PDE3B: variants seen among roughly 807,000 people sequenced by gnomAD.
PDE3B encodes the protein phosphodiesterase 3B, also known as cGMP-inhibited 3',5'-cyclic phosphodiesterase 3B.
Under a neutral mutation model 116.8 loss-of-function variants are expected in PDE3B, and 66 were observed. The ratio of observed to expected loss-of-function variants is 0.56; its 90% CI spans 0.46 to 0.69. PDE3B has a LOEUF of 0.69. Among genes scored for constraint, PDE3B ranks in the 30% least tolerant of loss-of-function variants. PDE3B has a pLI of 0.00. For synonymous variants in PDE3B, 595 were observed against 533.6 expected, an observed-to-expected ratio of 1.12 and a Z score of -1.59; for missense variants, 1,384 against 1,368.1, an observed-to-expected ratio of 1.01 and a Z score of -0.18.
At chr11:14,666,761 A>G (rs1221822299) in intron 1 of PDE3B, among the ~76,000 whole-genome samples, 1 of 152,122 alleles carries the variant, frequency 6.6e-6, no homozygotes, top group Admixed American at 6.5e-5. Context: ...TTAGAATGAC[A>G]ATCATTAAAA....
intron 11 of PDE3B, among the ~76,000 whole-genome samples, chr11:14,842,220 T>A (rs1847488307): frequency 6.6e-6 from 1 of 152,184 alleles, no homozygotes; most frequent in South Asian, 2.1e-4. Context: ...ATTTTTAAAA[T>A]CACAGTTTTC....
chr11:14,885,837 T>C, the PDE3B span: 5 of 1,613,526 alleles, frequency 3.1e-6, no homozygotes, highest in Non-Finnish European at 4.2e-6. Context: ...AAATTTCGCT[T>C]TGATGAACAA....
chr11:14,829,037 T>C (rs1448608187), intron 7 of PDE3B, among the ~76,000 whole-genome samples: 1 of 152,084 alleles, frequency 6.6e-6, no homozygotes, highest in African/African-American at 2.4e-5. Context: ...GAGACCATTA[T>C]CCTTAGCCAC....
chr11:14,775,195 T>C (rs1680114003), intron 2 of PDE3B: 1 of 152,210 alleles, frequency 6.6e-6, no homozygotes, highest in Non-Finnish European at 1.5e-5. Flanking sequence ...GAATCCAGTG[T>C]TCTCAAAAAT....
At chr11:14,791,839 A>C (rs891661606) in intron 4 of PDE3B, among the ~76,000 whole-genome samples, 1 of 152,174 alleles carries the variant, frequency 6.6e-6, no homozygotes, top group Non-Finnish European at 1.5e-5. Context: ...AAAATGGTGT[A>C]GTATTTACAT....
chr11:14,757,021 C>G (rs1048400067), intron 1 of PDE3B, among the ~76,000 whole-genome samples: 2 of 143,700 alleles, frequency 1.4e-5, no homozygotes, highest in African/African-American at 5.2e-5. Context: ...TCTCATTGTT[C>G]AATTCCCACC....
At chr11:14,741,525 G>A (rs1308518689) in intron 1 of PDE3B, among the ~76,000 whole-genome samples, 1 of 151,972 alleles carries the variant, frequency 6.6e-6, no homozygotes, top group Non-Finnish European at 1.5e-5. Flanking sequence ...ACATCAATGG[G>A]TCTTGACTCT....
intron 1 of PDE3B, among the ~76,000 whole-genome samples, chr11:14,711,845 A>G (rs1213429055): frequency 1.3e-5 from 2 of 152,252 alleles, no homozygotes; most frequent in Non-Finnish European, 1.5e-5. Flanking sequence ...GATAGGAGCC[A>G]AAGATTCACA....
At chr11:14,774,849 T>G (rs552634627) in intron 2 of PDE3B, 1 of 152,364 alleles carries the variant, frequency 6.6e-6, no homozygotes, top group South Asian at 2.1e-4. Context: ...CCTTACTCTC[T>G]TGTACTTCTC....
intron 5 of PDE3B, among the ~76,000 whole-genome samples, chr11:14,806,341 G>A (rs907161989): frequency 1.8e-4 from 27 of 151,642 alleles, no homozygotes; most frequent in African/African-American, 4.8e-4. Context: ...GCAGCTACTC[G>A]GGAGGCTGAG....
intron 1 of PDE3B, among the ~76,000 whole-genome samples, chr11:14,707,984 G>A (rs1855580708): frequency 6.6e-6 from 1 of 152,066 alleles, no homozygotes; most frequent in Admixed American, 6.6e-5. Context: ...GTAAGACTAG[G>A]TTATTTTATT....
chr11:14,842,203 TC>T (rs1847486958), intron 11 of PDE3B, among the ~76,000 whole-genome samples: 1 of 152,198 alleles, frequency 6.6e-6, no homozygotes, highest in Non-Finnish European at 1.5e-5. Flanking sequence ...TTTAAATGTG[TC>T]AGCAAATTTT....
At chr11:14,722,018 T>C (rs1402053335) in intron 1 of PDE3B, among the ~76,000 whole-genome samples, 1 of 149,256 alleles carries the variant, frequency 6.7e-6, no homozygotes, top group Non-Finnish European at 1.5e-5. Flanking sequence ...TGTAGGGACA[T>C]GGATGAAGCT....
Position 14,854,016 on chromosome 11 carries a change from A to G in PDE3B, c.2521-5027A>G, listed in dbSNP as rs368322204. On this transcript the variant is annotated intron_variant, in intron 12 of 15. Coordinates refer to ENST00000282096, the MANE Select transcript of PDE3B (RefSeq NM_000922.4). ...CTTCTTCCTGAGAATGCATTAAAAT[A>G]ATAGTAAGTTATGAAGTTCATTACA... Among the ~76,000 whole-genome samples, 7 of 152,386 alleles carry G rather than the reference A, an allele frequency of 4.6e-5. No homozygotes were observed. The South Asian group carries it at 6.2e-4, about 14-fold the overall frequency.
chr11:14,672,573 A>G (rs1357186463), intron 1 of PDE3B, among the ~76,000 whole-genome samples: 1 of 152,184 alleles, frequency 6.6e-6, no homozygotes, highest in Non-Finnish European at 1.5e-5. Context: ...TAGTGGCTCA[A>G]GTAAGAAAGA....
chr11:14,874,171 G>A (rs1324102465), downstream of PDE3B, among the ~76,000 whole-genome samples: 4 of 152,102 alleles, frequency 2.6e-5, no homozygotes, highest in Non-Finnish European at 5.9e-5. Flanking sequence ...TTTCTGGCTT[G>A]AATTCTGCCT....
chr11:14,859,008 A>G (rs1555006600), intron 12 of PDE3B, 35 bp from the exon 13 acceptor site: 2 of 1,430,562 alleles, frequency 1.4e-6, no homozygotes, highest in Non-Finnish European at 9.8e-7. Flanking sequence ...AATATCTTTG[A>G]GGTGTCTGCC....
intron 1 of PDE3B, among the ~76,000 whole-genome samples, chr11:14,741,524 G>A (rs1314569690): frequency 6.6e-6 from 1 of 151,886 alleles, no homozygotes; most frequent in Non-Finnish European, 1.5e-5. Context: ...CACATCAATG[G>A]GTCTTGACTC....
intron 1 of PDE3B, among the ~76,000 whole-genome samples, chr11:14,659,962 A>G (rs2133759713): frequency 6.6e-6 from 1 of 152,304 alleles, no homozygotes; most frequent in East Asian, 1.9e-4. Context: ...TGTTTGGTAA[A>G]CTGAGTGATC....
Sources: gnomAD v4.1 joint callset for allele counts (sites outside exome capture counted in the v4.1 genomes callset) on GRCh38, gnomAD v4.1.1 for gene constraint, MANE v1.5 for transcripts, NCBI Gene and HGNC (gene_info 2026-07-23, HGNC 2026-07-21) for gene names.